The following THRB variants were observed in gnomAD, a reference collection of about 807,000 sequenced individuals.
THRB encodes thyroid hormone receptor beta.
Under a neutral mutation model 47.8 loss-of-function variants are expected in THRB, and 12 were observed. The observed-to-expected ratio is 0.25, with a 90% CI of 0.16 to 0.41. The LOEUF is 0.41. Among genes scored for constraint, THRB ranks in the 10% least tolerant of loss-of-function variants. THRB has a pLI of 1.00. For missense variants in THRB, 348 were observed against 589.2 expected, an observed-to-expected ratio of 0.59 and a Z score of 4.24; for synonymous variants, 218 against 212.2, an observed-to-expected ratio of 1.03 and a Z score of -0.24.
intron 1 of THRB, among the ~76,000 whole-genome samples, chr3:24,463,285 G>C (rs758761546): frequency 2.0e-5 from 3 of 152,172 alleles, no homozygotes; most frequent in East Asian, 1.9e-4. Context: ...TTTTGAGACA[G>C]AGTCTCATCC....
chr3:24,473,136 T>G (rs1694948526), intron 1 of THRB, among the ~76,000 whole-genome samples: 1 of 152,192 alleles, frequency 6.6e-6, no homozygotes, highest in Admixed American at 6.5e-5. Context: ...CAAATAAACA[T>G]GTAATAGAAA....
intron 1 of THRB, among the ~76,000 whole-genome samples, chr3:24,339,193 G>T (rs2062460293): frequency 6.6e-6 from 1 of 151,938 alleles, no homozygotes; most frequent in African/African-American, 2.4e-5. Context: ...GTGTAATTTT[G>T]ATTTAGGCTT....
At chr3:24,153,649 T>A (rs1052302794) in intron 5 of THRB, among the ~76,000 whole-genome samples, 54 of 152,120 alleles carry the variant, frequency 3.5e-4, no homozygotes, top group African/African-American at 1.2e-3. Flanking sequence ...GTGGAGAGGA[T>A]GCCCAGACAC....
chr3:24,451,770 A>T (rs552675561), intron 1 of THRB, among the ~76,000 whole-genome samples: 10 of 152,328 alleles, frequency 6.6e-5, no homozygotes, highest in African/African-American at 2.4e-4. Flanking sequence ...ACTTGCAGCC[A>T]ATAAGCACAA....
rs1261053591 is a variant in THRB, at chr3:24,117,945, TG to T, written c.*4938del. On this transcript the variant is annotated 3_prime_UTR_variant, in exon 11 of 11. Coordinates refer to ENST00000646209, the MANE Select transcript of THRB (RefSeq NM_001354712.2). ...GAGATGAGAAGATGAATGTTGTCCT[TG>T]AGCTGCAAAACTTCACCTCTCTCCT... 6.6e-6 allele frequency: 1 copy of T among 152,332 alleles called. No homozygotes were observed. Among genetic ancestry groups the T allele is most frequent in the African/African-American group, 2.4e-5 (1 of 41,576 alleles). The allele number at this position is 152,332 out of a possible 1,614,324, so 9.4% of individuals were successfully genotyped here.
chr3:24,130,225 T>C (rs2033632815), intron 9 of THRB, among the ~76,000 whole-genome samples: 1 of 152,124 alleles, frequency 6.6e-6, no homozygotes, highest in Admixed American at 6.5e-5. Context: ...AGAGATGGAA[T>C]CAAAAATGAA....
intron 1 of THRB, among the ~76,000 whole-genome samples, chr3:24,489,369 G>A (rs993692871): frequency 3.3e-5 from 5 of 152,204 alleles, no homozygotes; most frequent in Non-Finnish European, 7.3e-5. Flanking sequence ...TCAAATGCAA[G>A]TATTCTGGGT....
At chr3:24,140,632 C>G (rs540156966) in intron 8 of THRB, among the ~76,000 whole-genome samples, 1 of 152,094 alleles carries the variant, frequency 6.6e-6, no homozygotes, top group Non-Finnish European at 1.5e-5. Context: ...CTTCCCTCCC[C>G]CAAGGTACCC....
At chr3:24,253,085 G>T (rs116561082) in intron 3 of THRB, among the ~76,000 whole-genome samples, 1 of 152,110 alleles carries the variant, frequency 6.6e-6, no homozygotes, top group Non-Finnish European at 1.5e-5. Flanking sequence ...GGGAAAGAAA[G>T]AAAGGTAGAA....
intron 8 of THRB, among the ~76,000 whole-genome samples, chr3:24,138,160 CCTTGGCTCAGAGCCAAGGACTT>C (rs1459073111): frequency 1.1e-4 from 17 of 152,044 alleles, no homozygotes; most frequent in African/African-American, 1.7e-4. Context: ...TCTGCTGAGT[CCTTGGCTCAGAGCCAAGGACTT>C]CTTGGCTTGA....
chr3:24,187,964 G>T (rs2042815725), intron 5 of THRB, among the ~76,000 whole-genome samples: 1 of 152,168 alleles, frequency 6.6e-6, no homozygotes, highest in South Asian at 2.1e-4. Flanking sequence ...GACCCTGGTG[G>T]TTACTCTGGA....
intron 1 of THRB, among the ~76,000 whole-genome samples, chr3:24,427,703 T>C (rs2069907978): frequency 6.6e-6 from 1 of 152,156 alleles, no homozygotes; most frequent in East Asian, 1.9e-4. Context: ...ATATATTGAC[T>C]CATATTTTAA....
chr3:24,339,135 A>G (rs1207838336), intron 1 of THRB, among the ~76,000 whole-genome samples: 2 of 152,192 alleles, frequency 1.3e-5, no homozygotes, highest in Non-Finnish European at 2.9e-5. Flanking sequence ...CTATATATAT[A>G]TAGATATTTT....
chr3:24,245,971 A>G (rs1158291288), intron 3 of THRB, among the ~76,000 whole-genome samples: 11 of 152,154 alleles, frequency 7.2e-5, no homozygotes, highest in Admixed American at 7.2e-4. Flanking sequence ...AATGTGGGTT[A>G]CGTAAAGTGT....
intron 4 of THRB, among the ~76,000 whole-genome samples, chr3:24,199,536 C>T (rs2044353520): frequency 6.6e-6 from 1 of 152,166 alleles, no homozygotes; most frequent in Non-Finnish European, 1.5e-5. Flanking sequence ...AGGAGATAAA[C>T]AAATCTTTTC....
intron 3 of THRB, among the ~76,000 whole-genome samples, chr3:24,252,191 G>C (rs1301418508): frequency 1.3e-5 from 2 of 151,994 alleles, no homozygotes. Flanking sequence ...GAAACACTTT[G>C]AACAAAAAGT....
chr3:24,385,997 C>T (rs1469653294), intron 1 of THRB, among the ~76,000 whole-genome samples: 1 of 152,080 alleles, frequency 6.6e-6, no homozygotes, highest in Non-Finnish European at 1.5e-5. Flanking sequence ...TTCCTTTATC[C>T]TCTATTTAAA....
intron 3 of THRB, among the ~76,000 whole-genome samples, chr3:24,246,339 G>A (rs2050110376): frequency 2.0e-5 from 3 of 152,176 alleles, no homozygotes. Context: ...TTTCAAGAAA[G>A]AAGGCAGTGG....
At chr3:24,265,256 CCTTT>C (rs2052530217) in intron 3 of THRB, among the ~76,000 whole-genome samples, 1 of 152,112 alleles carries the variant, frequency 6.6e-6, no homozygotes, top group African/African-American at 2.4e-5. Context: ...AGCTCCCAGG[CCTTT>C]CTGATCCTGG....
Sources: allele counts gnomAD v4.1 joint callset (sites outside exome capture counted in the v4.1 genomes callset), GRCh38; gene constraint gnomAD v4.1.1; transcripts MANE v1.5; gene names NCBI Gene and HGNC (gene_info 2026-07-23, HGNC 2026-07-21).